Variants in FAM118B observed in about 807,000 individuals in gnomAD.
The protein encoded by FAM118B is protein FAM118B.
FAM118B carries 24 observed loss-of-function variants against 38.5 expected under a neutral mutation model. The observed-to-expected ratio is 0.62, with a 90% CI of 0.45 to 0.88. The LOEUF (loss-of-function observed/expected upper bound fraction) is 0.88. Ranked by LOEUF, FAM118B falls within the 40% of genes least tolerant of loss-of-function variation. The pLI, the probability that FAM118B is intolerant of heterozygous loss-of-function variation, is 0.00. For missense variants in FAM118B, 334 were observed against 420.0 expected (o/e 0.80, Z 1.79); for synonymous variants, 138 against 156.3 (o/e 0.88, Z 0.87).
At chr11:126,214,503 G>GGTTTTTTTT (rs1949947676) in intron 1 of FAM118B, 4 of 28,258 alleles carry the variant, frequency 1.4e-4, no homozygotes, top group Non-Finnish European at 7.5e-5. Flanking sequence ...TTTTTTTTTT[G>GGTTTTTTTT]TTTTTTTTTT....
chr11:126,231,490 A>G (rs1950206065), intron 2 of FAM118B, among the ~76,000 whole-genome samples: 1 of 152,122 alleles, frequency 6.6e-6, no homozygotes, highest in Non-Finnish European at 1.5e-5. Context: ...TACATGTGAG[A>G]TTGTATCATG....
intron 1 of FAM118B, among the ~76,000 whole-genome samples, chr11:126,226,200 A>G (rs56012114): frequency 5.6e-5 from 2 of 36,018 alleles, no homozygotes; most frequent in African/African-American, 3.0e-4. Flanking sequence ...TAGGCAGGCC[A>G]GAAAGGAACG....
chr11:126,229,017 A>AT (rs1310525523), intron 1 of FAM118B, among the ~76,000 whole-genome samples: 11 of 152,176 alleles, frequency 7.2e-5, no homozygotes, highest in Admixed American at 6.5e-4. Flanking sequence ...AACCCACACT[A>AT]TTTTTGTAGT....
intron 1 of FAM118B, among the ~76,000 whole-genome samples, chr11:126,228,049 C>T (rs1950166213): frequency 2.0e-5 from 3 of 152,062 alleles, no homozygotes; most frequent in Admixed American, 2.0e-4. Flanking sequence ...TTCTACCTTC[C>T]TGAGCCTCCC....
At chr11:126,211,923 G>T in intron 1 of FAM118B, 93 bp downstream of exon 1, 1 of 474,708 alleles carries the variant, frequency 2.1e-6, no homozygotes, top group South Asian at 2.7e-5. Context: ...CGTTCAAGAA[G>T]AGCACTGGTC....
In FAM118B at chr11:126,235,075, C is replaced by T. The variant is rs765903547; in HGVS notation, c.74C>T (p.Thr25Ile). ...FGFFNDGEPP[T>I]KKPRKLLPSL... ...TTCTTCAACGATGGCGAACCTCCCACCAAAAAGCCCAGGTAAACAAGAGAA... is the reference window on the plus strand; with the variant it reads ...TTCTTCAACGATGGCGAACCTCCCATCAAAAAGCCCAGGTAAACAAGAGAA... The change falls in exon 3 of 9, where the codon ACC (threonine) becomes ATC (isoleucine). Residue 25 changes from threonine to isoleucine, a missense_variant. Physicochemically the swap from Thr to Ile is moderately conservative, Grantham distance 89. Around this residue, in one of 3 missense-constraint regions of FAM118B, gnomAD observed 240 missense variants for 295.9 expected, o/e 0.81. Transcript: ENST00000533050. The T allele has an allele frequency of 3.1e-6, 5 of 1,613,958 alleles. No individual in the cohort carries two copies. The highest frequency in any genetic ancestry group is 1.1e-5 in the South Asian group (1 of 91,062).
chr11:126,216,098 A>C (rs1007737725), intron 1 of FAM118B, among the ~76,000 whole-genome samples: 1 of 151,798 alleles, frequency 6.6e-6, no homozygotes, highest in Non-Finnish European at 1.5e-5. Context: ...TTCTCAGGCC[A>C]GGTCCAGTGG....
At chr11:126,222,366 C>T (rs913733283) in intron 1 of FAM118B, among the ~76,000 whole-genome samples, 5 of 152,150 alleles carry the variant, frequency 3.3e-5, no homozygotes, top group Non-Finnish European at 5.9e-5. Flanking sequence ...GATGTAGTAA[C>T]CTGTGATGAA....
Position 126,235,037 on chromosome 11 carries a change from C to T in FAM118B, c.36C>T (p.Asp12=), listed in dbSNP as rs761385494. 49 of 1,614,022 alleles carry T rather than the reference C, an allele frequency of 3.0e-5. No individual in the cohort carries two copies. In the East Asian group the frequency reaches 6.5e-4, roughly 21 times the overall value. Residue 12 remains aspartate, a synonymous_variant, in exon 3 of 9, where the codon GAC becomes GAT. Coordinates refer to ENST00000533050, the MANE Select transcript of FAM118B (RefSeq NM_024556.4). The stretch of plus-strand genomic sequence containing the variant: ...CAGGGAGCCAGGCCTCTGATATAGA[C>T]GAGATTTTTGGATTCTTCAACGATG... The part of the protein sequence containing the change: ...ASTGSQASDI[D]EIFGFFNDGE...
intron 2 of FAM118B, among the ~76,000 whole-genome samples, chr11:126,232,728 A>C (rs996664756): frequency 2.0e-5 from 3 of 151,622 alleles, no homozygotes. Context: ...TTTTTAAAAA[A>C]ATATATTTTT....
intron 1 of FAM118B, among the ~76,000 whole-genome samples, chr11:126,214,785 T>C (rs140781863): frequency 6.6e-6 from 1 of 152,292 alleles, no homozygotes; most frequent in East Asian, 1.9e-4. Context: ...AAAGAAGAAC[T>C]TGATAGTTTC....
intron 6 of FAM118B, 78 bp downstream of exon 6, chr11:126,254,511 G>T: frequency 6.4e-7 from 1 of 1,557,568 alleles, no homozygotes; most frequent in Non-Finnish European, 8.8e-7. Context: ...ATCTTAAAGG[G>T]GAACATCTTC....
At chr11:126,249,193 A>G (rs1386013698) in intron 4 of FAM118B, among the ~76,000 whole-genome samples, 1 of 152,162 alleles carries the variant, frequency 6.6e-6, no homozygotes, top group Non-Finnish European at 1.5e-5. Context: ...TGGACAACAT[A>G]GCCAGACCTC....
At chr11:126,247,048 C>A (rs559407034) in intron 4 of FAM118B, among the ~76,000 whole-genome samples, 88 of 152,310 alleles carry the variant, frequency 5.8e-4, no homozygotes, top group African/African-American at 2.0e-3. Flanking sequence ...GTCCCACCTA[C>A]ACAGGAGGCT....
At chr11:126,219,037 A>G (rs1337935191) in intron 1 of FAM118B, among the ~76,000 whole-genome samples, 1 of 152,204 alleles carries the variant, frequency 6.6e-6, no homozygotes, top group Non-Finnish European at 1.5e-5. Flanking sequence ...AATAGACTTT[A>G]TGCCAATCCG....
Position 126,250,551 on chromosome 11 carries a change from G to T in FAM118B, c.385G>T (p.Glu129Ter). Residue 129 changes from glutamate to a stop codon, truncating the protein, a stop_gained, in exon 5 of 9, where the codon GAA becomes TAA. Coordinates refer to ENST00000533050, the MANE Select transcript of FAM118B (RefSeq NM_024556.4). LOFTEE classifies it high-confidence loss of function. The surrounding 1 kb of genome is among the most constrained non-coding windows in gnomAD (Gnocchi z 5.1). ...CACATTTTTCAAGGACTGTTTATATGAAGTATTTGATGACTTGGAGTCAAA... is the reference window on the plus strand; with the variant it reads ...CACATTTTTCAAGGACTGTTTATATTAAGTATTTGATGACTTGGAGTCAAA... ...RSTFFKDCLY[E>*]VFDDLESKME... 1 of 1,614,086 alleles carries T rather than the reference G, an allele frequency of 6.2e-7. No homozygotes were observed. Among genetic ancestry groups the T allele is most frequent in the Non-Finnish European group, 8.5e-7 (1 of 1,179,986 alleles).
rs369910692 is a variant in FAM118B, at chr11:126,254,430, C to A, written c.693C>A (p.Val231=). 77 of 1,614,014 alleles carry A rather than the reference C, an allele frequency of 4.8e-5. No homozygotes were observed. The highest frequency in any genetic ancestry group is 6.4e-5 in the Non-Finnish European group (76 of 1,179,974). ...AGAACGTGCTCAGGAACACTGAAGT[C>A]ATGGTGAGTGGGGCTGATCTTGCTG... ...GYQNVLRNTE[V]MREIQKLYEN... is the part of the protein sequence containing the mutation. The change falls in exon 6 of 9, where the codon GTC becomes GTA. Residue 231 remains valine (V), a synonymous_variant. Transcript: ENST00000533050.
intron 1 of FAM118B, among the ~76,000 whole-genome samples, chr11:126,215,933 G>T (rs567477693): frequency 2.6e-5 from 4 of 152,112 alleles, no homozygotes; most frequent in African/African-American, 9.6e-5. Context: ...ATTTGAGCCC[G>T]GGAATTCAAG....
At position 126,239,592 on chromosome 11, in the gene FAM118B, C is replaced by G. The variant is rs140539086; in HGVS notation, c.87-1200C>G. 5.7e-3 allele frequency among the ~76,000 whole-genome samples: 863 copies of G among 152,260 alleles called. 3 individuals are homozygous for G. Among genetic ancestry groups the G allele is most frequent in the Middle Eastern group, 0.017 (5 of 292 alleles). ...ATTTTGTTCATGGATACATGACTCC[C>G]GTAGTGTCTGGTACATACAGGTTTT... On this transcript the variant is annotated intron_variant, in intron 3 of 8. Transcript: ENST00000533050.
Sources: gnomAD v4.1 joint callset for allele counts (sites outside exome capture counted in the v4.1 genomes callset) on GRCh38, gnomAD v4.1.1 for gene constraint, gnomAD v4.1.1 regional missense constraint, Gnocchi (gnomAD v3.1) non-coding constraint, MANE v1.5 for transcripts, NCBI Gene and HGNC (gene_info 2026-07-23, HGNC 2026-07-21) for gene names.